AKAP13: variants seen among roughly 807,000 people sequenced by gnomAD.
AKAP13 encodes A-kinase anchoring protein 13.
Under a neutral mutation model 264.5 loss-of-function variants are expected in AKAP13, and 80 were observed. The ratio of observed to expected loss-of-function variants is 0.30; its 90% CI spans 0.25 to 0.36. The LOEUF (loss-of-function observed/expected upper bound fraction) is 0.36, where lower values mean the gene tolerates loss of function less well. AKAP13 is among the 10% of genes least tolerant of loss of function. AKAP13 has a pLI of 1.00. For synonymous variants in AKAP13, 1,380 were observed against 1,250.2 expected (o/e 1.10, Z -2.19); for missense variants, 3,712 against 3,435.2 (o/e 1.08, Z -2.01).
At chr15:85,590,814 G>A (rs973448767) in intron 8 of AKAP13, among the ~76,000 whole-genome samples, 2 of 152,030 alleles carry the variant, frequency 1.3e-5, no homozygotes, top group African/African-American at 4.8e-5. Flanking sequence ...ATTACCTTTC[G>A]TTGTCATCTT....
intron 33 of AKAP13, among the ~76,000 whole-genome samples, chr15:85,738,880 A>G (rs2088750199): frequency 6.7e-6 from 1 of 149,614 alleles, no homozygotes; most frequent in Non-Finnish European, 1.5e-5. Context: ...TTTGGTGTTT[A>G]TATTTCCAGC....
At chr15:85,607,865 A>G (rs2080424744) in intron 8 of AKAP13, among the ~76,000 whole-genome samples, 1 of 152,278 alleles carries the variant, frequency 6.6e-6, no homozygotes, top group African/African-American at 2.4e-5. Flanking sequence ...CTGAATGAAC[A>G]GAAGCAAGTT....
chr15:85,740,144 T>C (rs762570083), intron 33 of AKAP13, 78 bp from the exon 34 acceptor site: 7 of 1,435,758 alleles, frequency 4.9e-6, no homozygotes, highest in Admixed American at 1.7e-5. Context: ...AGCCATCTTA[T>C]CAGGTAAACA....
intron 1 of AKAP13, among the ~76,000 whole-genome samples, chr15:85,471,684 C>G (rs1004420595): frequency 2.0e-5 from 3 of 152,210 alleles, no homozygotes; most frequent in African/African-American, 7.2e-5. Context: ...TCGCCTCCCC[C>G]CATCCCTGGG....
chr15:85,412,680 C>T (rs957445455), intron 1 of AKAP13, among the ~76,000 whole-genome samples: 1 of 152,164 alleles, frequency 6.6e-6, no homozygotes, highest in Non-Finnish European at 1.5e-5. Flanking sequence ...GGAGCTCAGG[C>T]AACCAAGAAC....
chr15:85,579,755 G>GA lies in AKAP13; in HGVS notation c.1693dup (p.Thr565AsnfsTer11), dbSNP rs996310251. The stretch of plus-strand genomic sequence containing the variant: ...ATTTAGTAATGAAGAAACCTCCACT[G>GA]AAAAAACAGCAGAAACGGAAACTTC... On this transcript the variant is annotated frameshift_variant, in exon 7 of 37. Transcript: ENST00000394518. LOFTEE classifies it high-confidence loss of function. 16 of 1,613,724 alleles carry GA rather than the reference G, an allele frequency of 9.9e-6. No individual in the cohort carries two copies. The Admixed American group carries it at 2.3e-4, about 24-fold the overall frequency.
intron 10 of AKAP13, among the ~76,000 whole-genome samples, chr15:85,649,597 A>G (rs567998217): frequency 2.0e-5 from 3 of 152,330 alleles, no homozygotes; most frequent in South Asian, 4.1e-4. Flanking sequence ...CTGGCCTCAC[A>G]GAGGTCTTTA....
At chr15:85,656,272 G>C (rs2083088089) in intron 11 of AKAP13, among the ~76,000 whole-genome samples, 1 of 152,128 alleles carries the variant, frequency 6.6e-6, no homozygotes, top group South Asian at 2.1e-4. Context: ...TTTTGATAAA[G>C]TCTAAATTAT....
chr15:85,723,692 A>C (rs1249916477), intron 26 of AKAP13, among the ~76,000 whole-genome samples: 1 of 152,206 alleles, frequency 6.6e-6, no homozygotes, highest in Non-Finnish European at 1.5e-5. Flanking sequence ...ACTCACAAGG[A>C]GGGAGACACA....
intron 5 of AKAP13, among the ~76,000 whole-genome samples, chr15:85,573,577 G>A (rs75125597): frequency 3.3e-5 from 3 of 91,956 alleles, no homozygotes; most frequent in African/African-American, 9.7e-5. Context: ...AAATAAATAT[G>A]ATATGATATG....
chr15:85,504,714 A>T (rs923040973), intron 2 of AKAP13, among the ~76,000 whole-genome samples: 1 of 147,416 alleles, frequency 6.8e-6, no homozygotes, highest in Non-Finnish European at 1.5e-5. Context: ...AAAAAAAAAA[A>T]ATCCTTACAT....
chr15:85,469,563 C>T (rs1273952308), intron 1 of AKAP13, among the ~76,000 whole-genome samples: 1 of 152,212 alleles, frequency 6.6e-6, no homozygotes, highest in East Asian at 1.9e-4. Flanking sequence ...GGTGGACCCA[C>T]CAGCTGCAAG....
intron 1 of AKAP13, among the ~76,000 whole-genome samples, chr15:85,458,386 G>GTTTTTTGTTTTTTTTTTTTTTTTTT (rs2074364103): frequency 9.6e-6 from 1 of 103,932 alleles, no homozygotes; most frequent in Non-Finnish European, 1.8e-5. Context: ...TGTATTTTTT[G>GTTTTTTGTTTTTTTTTTTTTTTTTT]TTTTTTGTTT....
intron 8 of AKAP13, among the ~76,000 whole-genome samples, chr15:85,621,987 GAAAAC>G (rs2081213162): frequency 6.6e-6 from 1 of 152,148 alleles, no homozygotes; most frequent in Non-Finnish European, 1.5e-5. Flanking sequence ...TAGGAGTCCT[GAAAAC>G]ACCCTGTTTC....
chr15:85,507,201 A>T (rs980007562), intron 2 of AKAP13, among the ~76,000 whole-genome samples: 1 of 151,918 alleles, frequency 6.6e-6, no homozygotes, highest in Admixed American at 6.6e-5. Context: ...TTTTTTGTTG[A>T]TGTCTTTGGG....
rs572477220 is a variant in AKAP13 at position 85,607,301 on chromosome 15, T to G, written c.4161+21478T>G. Among the ~76,000 whole-genome samples the G allele has an allele frequency of 2.0e-5, 3 of 152,296 alleles. No homozygotes were observed. In the East Asian group the frequency reaches 5.8e-4, roughly 29 times the overall value. On this transcript the variant is annotated intron_variant, in intron 8 of 36. Transcript: ENST00000394518. ...TCCAGAGGGGATATGGTAGTCTGATTGAAAGGAAAAGTGTTTTGTTCTTTC... is the reference window on the plus strand; with the variant it reads ...TCCAGAGGGGATATGGTAGTCTGATGGAAAGGAAAAGTGTTTTGTTCTTTC...
chr15:85,564,176 A>G (rs1489116132), intron 5 of AKAP13, among the ~76,000 whole-genome samples: 1 of 152,178 alleles, frequency 6.6e-6, no homozygotes, highest in African/African-American at 2.4e-5. Flanking sequence ...TAATAACAGA[A>G]GAATGAAGCA....
intron 2 of AKAP13, among the ~76,000 whole-genome samples, chr15:85,487,648 G>A (rs952458602): frequency 6.7e-6 from 1 of 149,024 alleles, no homozygotes; most frequent in Non-Finnish European, 1.5e-5. Context: ...TCACAGCATC[G>A]TGGAACTCCT....
chr15:85,580,698 C>G lies in AKAP13; in HGVS notation c.2630C>G (p.Pro877Arg), dbSNP rs2079130631. ...GLGGEHEGPAPPAIPEALNIK... is the reference protein window; with the variant it reads ...GLGGEHEGPARPAIPEALNIK... ...GGTGGAGAGCATGAGGGTCCCGCCCCTCCAGCAATCCCAGAAGCTCTGAAT... is the reference window on the plus strand; with the variant it reads ...GGTGGAGAGCATGAGGGTCCCGCCCGTCCAGCAATCCCAGAAGCTCTGAAT... Residue 877 changes from proline (P) to arginine (R), a missense_variant, in exon 7 of 37, where the codon CCT becomes CGT. Pro to Arg is a moderately radical substitution (Grantham distance 103). Around this residue, in one of 3 missense-constraint regions of AKAP13, gnomAD observed 2,759 missense variants for 2,411.7 expected, o/e 1.14. Transcript: ENST00000394518. 1.2e-6 allele frequency: 2 copies of G among 1,614,076 alleles called. No homozygotes were observed. Among genetic ancestry groups the G allele is most frequent in the African/African-American group, 2.7e-5 (2 of 74,930 alleles).
Sources: gnomAD v4.1 joint callset for allele counts (sites outside exome capture counted in the v4.1 genomes callset) on GRCh38, gnomAD v4.1.1 for gene constraint, gnomAD v4.1.1 regional missense constraint, MANE v1.5 for transcripts, NCBI Gene and HGNC (gene_info 2026-07-23, HGNC 2026-07-21) for gene names.